Variants in TLL2 observed in about 807,000 individuals in gnomAD.
The protein encoded by TLL2 is tolloid like 2.
TLL2 carries 106 observed loss-of-function variants against 123.0 expected under a neutral mutation model. The ratio of observed to expected loss-of-function variants is 0.86; its 90% CI spans 0.74 to 1.01. The LOEUF is 1.01. Ranked by LOEUF, TLL2 falls within the 50% of genes least tolerant of loss-of-function variation. TLL2 has a pLI of 0.00. For missense variants in TLL2, 1,332 were observed against 1,336.7 expected, an observed-to-expected ratio of 1.00 and a Z score of 0.06; for synonymous variants, 494 against 516.8, an observed-to-expected ratio of 0.96 and a Z score of 0.60.
Position 96,397,159 on chromosome 10 carries a change from G to A in TLL2, c.1384+27C>T, listed in dbSNP as rs41291630. 3,370 of 1,590,082 alleles carry A rather than the reference G, an allele frequency of 2.1e-3. 6 individuals are homozygous for A. The highest frequency in any genetic ancestry group is 5.6e-3 in the Middle Eastern group (33 of 5,936). On this transcript the variant is annotated intron_variant, in intron 11 of 20. Coordinates refer to ENST00000357947, the MANE Select transcript of TLL2 (RefSeq NM_012465.4). Reference sequence around the variant, plus strand: ...AGGACAGAGCTTATGAGGGGCCACCGAGCAGCTGCTTTCACCTCGCACAAA... The same window carrying A: ...AGGACAGAGCTTATGAGGGGCCACCAAGCAGCTGCTTTCACCTCGCACAAA...
chr10:96,416,995 C>G (rs1397400540), intron 7 of TLL2, among the ~76,000 whole-genome samples: 1 of 152,196 alleles, frequency 6.6e-6, no homozygotes, highest in Admixed American at 6.5e-5. Context: ...CTCCCCACAG[C>G]CTGGGTCCAA....
chr10:96,497,890 C>T (rs1458404638), intron 1 of TLL2, among the ~76,000 whole-genome samples: 1 of 152,240 alleles, frequency 6.6e-6, no homozygotes, highest in South Asian at 2.1e-4. Context: ...ATAGGGATGA[C>T]TACTTTGGCC....
chr10:96,479,938 A>G (rs568020715), intron 2 of TLL2, among the ~76,000 whole-genome samples: 1 of 152,266 alleles, frequency 6.6e-6, no homozygotes, highest in South Asian at 2.1e-4. Flanking sequence ...ACAAGTGCCC[A>G]TTCACATGAC....
intron 2 of TLL2, among the ~76,000 whole-genome samples, chr10:96,455,737 TAAG>T (rs969860824): frequency 1.3e-5 from 2 of 152,258 alleles, no homozygotes; most frequent in African/African-American, 4.8e-5. Context: ...GAAATAATCA[TAAG>T]AATGGGCAAC....
At chr10:96,498,960 G>A (rs1847505904) in intron 1 of TLL2, among the ~76,000 whole-genome samples, 1 of 152,208 alleles carries the variant, frequency 6.6e-6, no homozygotes, top group South Asian at 2.1e-4. Flanking sequence ...GCTTGTTTAA[G>A]CCAATGTCTG....
intron 3 of TLL2, among the ~76,000 whole-genome samples, chr10:96,445,809 G>C (rs1435412624): frequency 6.6e-6 from 1 of 152,180 alleles, no homozygotes; most frequent in African/African-American, 2.4e-5. Context: ...AGTGCTTCTA[G>C]TCCATCTCAG....
In TLL2 at chr10:96,366,803, C is replaced by A. The variant is rs1233755127; in HGVS notation, c.*1285G>T. ...TAAAAATTATTCCAACATAAATACT[C>A]TTTTAAAGCTAACATACCACAGCTT... On this transcript the variant is annotated 3_prime_UTR_variant, in exon 21 of 21. Coordinates refer to ENST00000357947, the MANE Select transcript of TLL2 (RefSeq NM_012465.4). 6.6e-6 allele frequency: 1 copy of A among 152,654 alleles called. No individual in the cohort carries two copies. Among genetic ancestry groups the A allele is most frequent in the African/African-American group, 2.4e-5 (1 of 41,474 alleles). 9.5% of individuals were successfully genotyped at this position (152,654 alleles called of 1,614,324 possible).
At chr10:96,386,881 A>G in intron 14 of TLL2, 72 bp downstream of exon 14, 8 of 1,590,244 alleles carry the variant, frequency 5.0e-6, no homozygotes, top group Non-Finnish European at 6.9e-6. Context: ...TGGTTGCCCC[A>G]TCTCTGCCCC....
rs775416693 is a variant in TLL2 at position 96,384,568 on chromosome 10, C to G, written c.2194+19G>C. On this transcript the variant is annotated intron_variant, in intron 16 of 20. Coordinates refer to ENST00000357947, the MANE Select transcript of TLL2 (RefSeq NM_012465.4). Reference sequence around the variant, plus strand: ...CGCCTCACTCGCGCTGCATCAGCCTCACCTCTGAACCCGCATACCTGAGAA... The same window carrying G: ...CGCCTCACTCGCGCTGCATCAGCCTGACCTCTGAACCCGCATACCTGAGAA... 6.4e-7 allele frequency: 1 copy of G among 1,556,272 alleles called. No homozygotes were observed. Among genetic ancestry groups the G allele is most frequent in the Admixed American group, 1.8e-5 (1 of 55,942 alleles).
chr10:96,452,458 G>C (rs1046839004), intron 2 of TLL2, among the ~76,000 whole-genome samples: 3 of 152,246 alleles, frequency 2.0e-5, no homozygotes, highest in East Asian at 3.8e-4. Flanking sequence ...CGGCCAGCTA[G>C]AGCAAGGCCC....
At position 96,386,992 on chromosome 10, in the gene TLL2, G is replaced by A. The variant is rs1183329556; in HGVS notation, c.1813C>T (p.Pro605Ser). Residue 605 changes from proline to serine, a missense_variant, in exon 14 of 21, where the codon CCT becomes TCT. Physicochemically the swap from Pro to Ser is moderately conservative, Grantham distance 74 (BLOSUM62 -1). Coordinates refer to ENST00000357947, the MANE Select transcript of TLL2 (RefSeq NM_012465.4). ...TTATCGGCGGCCAGCTCGTAGCCAG[G>A]GTCACAGGCACACTTGTAGCTGCCC... is the stretch of plus-strand genomic sequence containing the variant. ...TLGSYKCACD[P>S]GYELAADKKM... The A allele has an allele frequency of 6.2e-7, 1 of 1,614,120 alleles. No homozygotes were observed.
intron 1 of TLL2, 96 bp downstream of exon 1, chr10:96,513,415 A>G: frequency 1.3e-6 from 2 of 1,482,552 alleles, no homozygotes; most frequent in South Asian, 2.4e-5. Context: ...AGGGGAGGGG[A>G]GACCCGCCCC....
At chr10:96,388,448 C>T (rs562152607) in intron 13 of TLL2, among the ~76,000 whole-genome samples, 2 of 152,320 alleles carry the variant, frequency 1.3e-5, no homozygotes, top group East Asian at 3.9e-4. Flanking sequence ...TAACTCTTTA[C>T]ACACAAACTA....
In TLL2 at chr10:96,421,002, A is replaced by G. The variant is rs768745093; in HGVS notation, c.877T>C (p.Tyr293His). Reference sequence around the variant, plus strand: ...TAGTGCATGATGCTGTCAAAGTCGTATGTCTCTCCCAGAGAGCTCACTTCC... The same window carrying G: ...TAGTGCATGATGCTGTCAAAGTCGTGTGTCTCTCCCAGAGAGCTCACTTCC... The part of the protein sequence containing the change: ...AGEVSSLGET[Y>H]DFDSIMHYAR... The change falls in exon 7 of 21, where the codon TAC (tyrosine) becomes CAC (histidine). Residue 293 changes from tyrosine (Y) to histidine (H), a missense_variant. Coordinates refer to ENST00000357947, the MANE Select transcript of TLL2 (RefSeq NM_012465.4). 7 of 1,614,140 alleles carry G rather than the reference A, an allele frequency of 4.3e-6. No homozygotes were observed. The highest frequency in any genetic ancestry group is 2.5e-6 in the Non-Finnish European group (3 of 1,180,002).
chr10:96,437,137 A>G (rs1239490622), intron 3 of TLL2, among the ~76,000 whole-genome samples: 1 of 152,230 alleles, frequency 6.6e-6, no homozygotes, highest in Admixed American at 6.5e-5. Flanking sequence ...CAAACAATAC[A>G]TCAAGCTTTG....
intron 4 of TLL2, 60 bp from the exon 5 acceptor site, chr10:96,428,808 T>C: frequency 8.8e-7 from 1 of 1,135,080 alleles, no homozygotes; most frequent in Non-Finnish European, 1.3e-6. Flanking sequence ...TTTAGATGCT[T>C]TTTTTTTTCT....
Position 96,366,462 on chromosome 10 carries a change from T to C in TLL2, c.*1626A>G, listed in dbSNP as rs1187836655. ...ACATACATACATATATACAGACATA[T>C]ATTATTAATAATACTTTAATTTTTT... On this transcript the variant is annotated 3_prime_UTR_variant, in exon 21 of 21. Transcript: ENST00000357947. 6.6e-6 allele frequency: 1 copy of C among 152,614 alleles called. No homozygotes were observed. Among genetic ancestry groups the C allele is most frequent in the Non-Finnish European group, 1.5e-5 (1 of 68,032 alleles). 9.5% of individuals were successfully genotyped at this position (152,614 alleles called of 1,614,324 possible).
At chr10:96,402,245 C>T (rs1231712933) in intron 10 of TLL2, among the ~76,000 whole-genome samples, 3 of 152,244 alleles carry the variant, frequency 2.0e-5, no homozygotes. Flanking sequence ...ACCACCTCCG[C>T]GCTTCCTTCC....
intron 2 of TLL2, among the ~76,000 whole-genome samples, chr10:96,469,378 C>T (rs958388232): frequency 6.6e-6 from 1 of 152,256 alleles, no homozygotes; most frequent in African/African-American, 2.4e-5. Context: ...TCGCTCTTGC[C>T]TTGTTCTTTT....
Sources: allele counts gnomAD v4.1 joint callset (sites outside exome capture counted in the v4.1 genomes callset), GRCh38; gene constraint gnomAD v4.1.1; transcripts MANE v1.5; gene names NCBI Gene and HGNC (gene_info 2026-07-23, HGNC 2026-07-21).